The following PDE7B variants were observed in gnomAD, a reference collection of about 807,000 sequenced individuals.
The protein encoded by PDE7B is phosphodiesterase 7B, also known as 3',5'-cyclic-AMP phosphodiesterase 7B.
PDE7B carries 29 observed loss-of-function variants against 56.2 expected under a neutral mutation model. The observed-to-expected ratio is 0.52, with a 90% CI of 0.38 to 0.70. The LOEUF (loss-of-function observed/expected upper bound fraction) is 0.70, where lower values mean the gene tolerates loss of function less well. Among genes scored for constraint, PDE7B ranks in the 30% least tolerant of loss-of-function variants. PDE7B has a pLI of 0.00. For synonymous variants in PDE7B, 197 were observed against 196.9 expected (o/e 1.00, Z 0.00); for missense variants, 490 against 565.0 (o/e 0.87, Z 1.35).
intron 8 of PDE7B, among the ~76,000 whole-genome samples, chr6:136,157,573 G>A (rs756899061): frequency 1.1e-4 from 16 of 152,126 alleles, no homozygotes; most frequent in Non-Finnish European, 2.1e-4. Flanking sequence ...GGGAGACTCC[G>A]TCTCAAAGAA....
chr6:136,063,263 C>G (rs2128212871), intron 2 of PDE7B, among the ~76,000 whole-genome samples: 1 of 152,300 alleles, frequency 6.6e-6, no homozygotes, highest in East Asian at 1.9e-4. Context: ...TAATGAACAG[C>G]ATCTGATTAA....
At chr6:135,875,865 C>T (rs565961521) in intron 1 of PDE7B, among the ~76,000 whole-genome samples, 4 of 152,064 alleles carry the variant, frequency 2.6e-5, no homozygotes, top group East Asian at 3.9e-4. Context: ...AACAAAAATT[C>T]TTTTGTGAGG....
intron 2 of PDE7B, among the ~76,000 whole-genome samples, chr6:136,077,682 G>C (rs144229985): frequency 2.4e-3 from 360 of 152,272 alleles, no homozygotes; most frequent in African/African-American, 8.2e-3. Flanking sequence ...CCAAAAGGCA[G>C]AATTTTACAA....
chr6:135,987,362 TG>T (rs1775399445), intron 2 of PDE7B, among the ~76,000 whole-genome samples: 1 of 151,850 alleles, frequency 6.6e-6, no homozygotes, highest in Admixed American at 6.6e-5. Context: ...TGAGTAGGAG[TG>T]GCCCCTGCTC....
At chr6:135,909,005 TTG>T (rs1444960059) in intron 1 of PDE7B, among the ~76,000 whole-genome samples, 1 of 152,218 alleles carries the variant, frequency 6.6e-6, no homozygotes, top group East Asian at 1.9e-4. Flanking sequence ...TAAGTGGATT[TTG>T]TTAGTTAAAG....
intron 2 of PDE7B, among the ~76,000 whole-genome samples, chr6:135,962,397 G>C (rs1446866890): frequency 2.0e-5 from 3 of 152,116 alleles, no homozygotes; most frequent in Admixed American, 6.6e-5. Flanking sequence ...TATCAGAATT[G>C]AGTTGAATGC....
At position 136,067,538 on chromosome 6, in the gene PDE7B, C is replaced by T. The variant is rs575611601; in HGVS notation, c.83-41193C>T. On this transcript the variant is annotated intron_variant, in intron 2 of 12. Coordinates refer to ENST00000308191, the MANE Select transcript of PDE7B (RefSeq NM_018945.4). ...ACTACATAGGACATTCTAATTAAGA[C>T]TTGACTAGCAATATCTAGGGACTTC... Among the ~76,000 whole-genome samples, 33 of 152,262 alleles carry T rather than the reference C, an allele frequency of 2.2e-4. 1 individual carries two copies. Among genetic ancestry groups the T allele is most frequent in the Admixed American group, 2.2e-3 (33 of 15,298 alleles).
chr6:136,041,202 G>T (rs1342593115), intron 2 of PDE7B, among the ~76,000 whole-genome samples: 1 of 152,118 alleles, frequency 6.6e-6, no homozygotes, highest in African/African-American at 2.4e-5. Flanking sequence ...AAAAGTCCCA[G>T]TGTTTCTTTT....
chr6:136,149,006 T>G (rs1778466880), intron 4 of PDE7B, 81 bp from the exon 5 acceptor site: 1 of 985,812 alleles, frequency 1.0e-6, no homozygotes, highest in South Asian at 1.3e-5. Context: ...TTTTTAATTG[T>G]TTAATCCACT....
At position 136,141,380 on chromosome 6, in the gene PDE7B, G is replaced by C. The variant is rs1778322889; in HGVS notation, c.167-5971G>C. On this transcript the variant is annotated intron_variant, in intron 3 of 12. Transcript: ENST00000308191. ...GGATTGGGTTTGCCAGTATTTTATTGAGGATACTTGCATTGATGTTCATCA... is the reference window on the plus strand; with the variant it reads ...GGATTGGGTTTGCCAGTATTTTATTCAGGATACTTGCATTGATGTTCATCA... Among the ~76,000 whole-genome samples, 3 of 152,298 alleles carry C rather than the reference G, an allele frequency of 2.0e-5. No homozygotes were observed. In the South Asian group the frequency reaches 6.2e-4, roughly 32 times the overall value.
intron 1 of PDE7B, among the ~76,000 whole-genome samples, chr6:135,857,588 G>T (rs999180709): frequency 6.6e-6 from 1 of 151,998 alleles, no homozygotes; most frequent in Admixed American, 6.6e-5. Context: ...GGTACCAAAC[G>T]GTCAGTGTTT....
intron 1 of PDE7B, among the ~76,000 whole-genome samples, chr6:135,855,187 A>G (rs573054334): frequency 6.6e-6 from 1 of 152,332 alleles, no homozygotes; most frequent in South Asian, 2.1e-4. Flanking sequence ...AAATTTTTAT[A>G]GTATTCTTAT....
chr6:135,985,171 T>A, intron 2 of PDE7B, among the ~76,000 whole-genome samples: 1 of 152,180 alleles, frequency 6.6e-6, no homozygotes, highest in Non-Finnish European at 1.5e-5. Context: ...AGGACTGTCA[T>A]GCTGCTGTGT....
intron 1 of PDE7B, among the ~76,000 whole-genome samples, chr6:135,926,422 G>A (rs187145643): frequency 6.6e-6 from 1 of 152,112 alleles, no homozygotes; most frequent in Admixed American, 6.5e-5. Context: ...TTGAGGAAGA[G>A]TGGGCGGTCA....
chr6:136,130,261 A>T (rs1231214541), intron 3 of PDE7B, among the ~76,000 whole-genome samples: 3 of 152,030 alleles, frequency 2.0e-5, no homozygotes, highest in African/African-American at 7.3e-5. Flanking sequence ...TTCCTCTCAG[A>T]CTACCTTTCA....
At chr6:136,172,365 G>C (rs1038932076) in intron 8 of PDE7B, among the ~76,000 whole-genome samples, 4 of 152,186 alleles carry the variant, frequency 2.6e-5, no homozygotes, top group Non-Finnish European at 4.4e-5. Flanking sequence ...CTGTGGTTTT[G>C]ATTTGCATTT....
At chr6:136,005,416 C>A (rs1389267547) in intron 2 of PDE7B, among the ~76,000 whole-genome samples, 1 of 151,982 alleles carries the variant, frequency 6.6e-6, no homozygotes, top group East Asian at 1.9e-4. Context: ...AGTGAACAGG[C>A]AACCTACAAA....
intron 2 of PDE7B, among the ~76,000 whole-genome samples, chr6:135,968,575 C>G (rs893452276): frequency 3.3e-5 from 5 of 152,096 alleles, no homozygotes; most frequent in Non-Finnish European, 7.4e-5. Context: ...TATAGTAATG[C>G]AAATCAAAAC....
intron 11 of PDE7B, 46 bp from the exon 12 acceptor site, chr6:136,186,990 G>T (rs778234504): frequency 1.4e-5 from 13 of 955,454 alleles, no homozygotes; most frequent in Admixed American, 3.6e-5. Context: ...CATTTTATAA[G>T]TTCTAGATTA....
Sources: gnomAD v4.1 joint callset for allele counts (sites outside exome capture counted in the v4.1 genomes callset) on GRCh38, gnomAD v4.1.1 for gene constraint, MANE v1.5 for transcripts, NCBI Gene and HGNC (gene_info 2026-07-23, HGNC 2026-07-21) for gene names.